Variants in GALNT13 observed in about 807,000 individuals in gnomAD.
GALNT13 encodes UDP-GalNAc:polypeptide N-acetylgalactosaminyltransferase 13.
In GALNT13, 28 loss-of-function variants were observed where a neutral mutation model predicts 64.2. The ratio of observed to expected loss-of-function variants is 0.44; its 90% CI spans 0.32 to 0.60. The LOEUF is 0.60. Ranked by LOEUF, GALNT13 falls within the 20% of genes least tolerant of loss-of-function variation. GALNT13 has a pLI of 0.05. For synonymous variants in GALNT13, 214 were observed against 224.6 expected (o/e 0.95, Z 0.42); for missense variants, 577 against 669.8 (o/e 0.86, Z 1.53).
the GALNT13 span, among the ~76,000 whole-genome samples, chr2:153,623,000 C>T: frequency 6.6e-6 from 1 of 152,052 alleles, no homozygotes; most frequent in African/African-American, 2.4e-5. Context: ...TGATAATACA[C>T]ATTTTCTAGT....
the GALNT13 span, among the ~76,000 whole-genome samples, chr2:153,225,939 A>AT: frequency 2.7e-3 from 401 of 146,996 alleles, 1 homozygote; most frequent in Non-Finnish European, 4.1e-3. Flanking sequence ...CCAGCAAGCA[A>AT]TTTTTTTTTT....
chr2:153,808,516 C>T, the GALNT13 span, among the ~76,000 whole-genome samples: 2 of 152,118 alleles, frequency 1.3e-5, no homozygotes, highest in Non-Finnish European at 2.9e-5. Context: ...TTTTAACTAT[C>T]TTAATATCCA....
chr2:154,287,390 G>A, intron 8 of GALNT13: 1 of 505,586 alleles, frequency 2.0e-6, no homozygotes, highest in Non-Finnish European at 3.7e-6. Flanking sequence ...CTACCTGCCT[G>A]TGGGGCAGTC....
the GALNT13 span, among the ~76,000 whole-genome samples, chr2:153,536,035 G>A: frequency 6.6e-6 from 1 of 152,120 alleles, no homozygotes; most frequent in Admixed American, 6.6e-5. Context: ...AAACTAATTT[G>A]CCAGCAAGTT....
At chr2:153,537,979 G>A in the GALNT13 span, among the ~76,000 whole-genome samples, 9 of 152,276 alleles carry the variant, frequency 5.9e-5, no homozygotes, top group South Asian at 4.2e-4. Flanking sequence ...TGTTATAAAG[G>A]TAGCTGAAAA....
intron 9 of GALNT13, among the ~76,000 whole-genome samples, chr2:154,325,111 C>G (rs1214403004): frequency 1.3e-5 from 2 of 151,802 alleles, no homozygotes; most frequent in African/African-American, 4.8e-5. Context: ...CATCCTAGTT[C>G]CCTGTGTGAG....
intron 11 of GALNT13, among the ~76,000 whole-genome samples, chr2:154,422,688 A>G (rs906103544): frequency 6.6e-6 from 1 of 152,202 alleles, no homozygotes; most frequent in African/African-American, 2.4e-5. Flanking sequence ...TTTCTTTTAG[A>G]CAAAAAATTC....
At chr2:153,773,718 G>T in the GALNT13 span, among the ~76,000 whole-genome samples, 1 of 152,194 alleles carries the variant, frequency 6.6e-6, no homozygotes, top group Non-Finnish European at 1.5e-5. Context: ...AAGAATATCT[G>T]ATATAGTTGT....
chr2:153,644,922 G>GT, the GALNT13 span, among the ~76,000 whole-genome samples: 2 of 152,046 alleles, frequency 1.3e-5, no homozygotes, highest in Admixed American at 1.3e-4. Context: ...AAATCTGTCA[G>GT]TATGATATCC....
the GALNT13 span, among the ~76,000 whole-genome samples, chr2:153,457,616 C>T: frequency 6.6e-6 from 1 of 152,042 alleles, no homozygotes; most frequent in Admixed American, 6.5e-5. Flanking sequence ...AATGAGAAAA[C>T]CAAGACTCTG....
At chr2:153,412,139 T>C in the GALNT13 span, among the ~76,000 whole-genome samples, 2 of 152,206 alleles carry the variant, frequency 1.3e-5, no homozygotes, top group South Asian at 4.1e-4. Context: ...CTGGCTCTTC[T>C]TGCTCCTCAA....
At chr2:154,310,876 T>C (rs1422995794) in intron 9 of GALNT13, among the ~76,000 whole-genome samples, 3 of 152,014 alleles carry the variant, frequency 2.0e-5, no homozygotes, top group Non-Finnish European at 2.9e-5. Flanking sequence ...TTAAATGAAA[T>C]AAGATATATA....
At chr2:153,527,214 T>C in the GALNT13 span, among the ~76,000 whole-genome samples, 2 of 152,040 alleles carry the variant, frequency 1.3e-5, no homozygotes, top group African/African-American at 4.8e-5. Flanking sequence ...CAAGCAGACT[T>C]AACCCAAAGA....
chr2:153,831,535 C>T, the GALNT13 span, among the ~76,000 whole-genome samples: 7 of 152,176 alleles, frequency 4.6e-5, no homozygotes, highest in Non-Finnish European at 1.0e-4. Context: ...GATTTCCGAA[C>T]CCTCACAGAA....
the GALNT13 span, among the ~76,000 whole-genome samples, chr2:153,753,240 C>T: frequency 6.6e-6 from 1 of 152,050 alleles, no homozygotes; most frequent in Non-Finnish European, 1.5e-5. Context: ...CAGGATTGGT[C>T]GCTGGTGCTG....
the GALNT13 span, among the ~76,000 whole-genome samples, chr2:153,506,101 C>A: frequency 6.6e-6 from 1 of 151,994 alleles, no homozygotes; most frequent in Admixed American, 6.6e-5. Flanking sequence ...TATATAATGT[C>A]CTTCTTTGTC....
the GALNT13 span, among the ~76,000 whole-genome samples, chr2:153,617,603 T>C: frequency 6.6e-6 from 1 of 151,940 alleles, no homozygotes; most frequent in Non-Finnish European, 1.5e-5. Flanking sequence ...CCTCCTCTTT[T>C]ATTTTTGGAA....
intron 3 of GALNT13, among the ~76,000 whole-genome samples, chr2:153,960,739 C>T (rs1214499175): frequency 6.6e-6 from 1 of 152,092 alleles, no homozygotes; most frequent in Non-Finnish European, 1.5e-5. Flanking sequence ...TCAGTCTGGT[C>T]CGGTGTCCGA....
At chr2:154,314,426 G>C (rs1327960060) in intron 9 of GALNT13, among the ~76,000 whole-genome samples, 1 of 152,092 alleles carries the variant, frequency 6.6e-6, no homozygotes, top group Non-Finnish European at 1.5e-5. Context: ...GCATTTGTTT[G>C]GATTTATACT....
Sources: allele counts gnomAD v4.1 joint callset (sites outside exome capture counted in the v4.1 genomes callset), GRCh38; gene constraint gnomAD v4.1.1; transcripts MANE v1.5; gene names NCBI Gene and HGNC (gene_info 2026-07-23, HGNC 2026-07-21).